The following MAP2K1 variants were observed in gnomAD, a reference collection of about 807,000 sequenced individuals.
MAP2K1 encodes dual specificity mitogen-activated protein kinase kinase 1.
In MAP2K1, 16 loss-of-function variants were observed where a neutral mutation model predicts 46.3. That is an observed-to-expected ratio of 0.35 (90% CI 0.23 to 0.52). MAP2K1 has a LOEUF of 0.52. Ranked by LOEUF, MAP2K1 falls within the 20% of genes least tolerant of loss-of-function variation. MAP2K1 has a pLI of 0.94. For synonymous variants in MAP2K1, 183 were observed against 185.6 expected, an observed-to-expected ratio of 0.99 and a Z score of 0.11; for missense variants, 263 against 497.1, an observed-to-expected ratio of 0.53 and a Z score of 4.48.
chr15:66,417,312 G>A (rs2093426894), intron 1 of MAP2K1, among the ~76,000 whole-genome samples: 1 of 152,156 alleles, frequency 6.6e-6, no homozygotes, highest in South Asian at 2.1e-4. Flanking sequence ...TCTTACGCCT[G>A]TAATCCCCGC....
chr15:66,399,025 G>A (rs1385441651), intron 1 of MAP2K1, among the ~76,000 whole-genome samples: 3 of 152,086 alleles, frequency 2.0e-5, no homozygotes, highest in African/African-American at 7.2e-5. Context: ...CGCCTGCCGC[G>A]GCCTCCCAAA....
chr15:66,479,441 G>A (rs1892861420), intron 5 of MAP2K1, among the ~76,000 whole-genome samples: 1 of 152,206 alleles, frequency 6.6e-6, no homozygotes, highest in South Asian at 2.1e-4. Flanking sequence ...GAGGAACTAG[G>A]TGCCCTCTAA....
chr15:66,471,535 T>G (rs527499927), intron 5 of MAP2K1, among the ~76,000 whole-genome samples: 1 of 152,332 alleles, frequency 6.6e-6, no homozygotes, highest in South Asian at 2.1e-4. Flanking sequence ...TGGTGCTGTT[T>G]CCACACCACC....
chr15:66,478,433 TACAC>T (rs567130584), intron 5 of MAP2K1, among the ~76,000 whole-genome samples: 1 of 133,810 alleles, frequency 7.5e-6, no homozygotes, highest in African/African-American at 2.6e-5. Flanking sequence ...TATATATATA[TACAC>T]ACAGGTATAT....
chr15:66,442,831 C>T (rs577057519), intron 3 of MAP2K1, among the ~76,000 whole-genome samples: 1 of 152,278 alleles, frequency 6.6e-6, no homozygotes, highest in South Asian at 2.1e-4. Flanking sequence ...TTGGGACTCC[C>T]ATGATCCTAT....
Position 66,386,917 on chromosome 15 carries a change from C to T in MAP2K1, c.-431C>T, listed in dbSNP as rs1407869990. ...CCGCCCCTCCCCCGGCCTCCAGTCC[C>T]TCCCAGGGCCGCTTCGCAGAGCGGC... On this transcript the variant is annotated 5_prime_UTR_variant, in exon 1 of 11. Coordinates refer to ENST00000307102, the MANE Select transcript of MAP2K1 (RefSeq NM_002755.4). 5 of 242,638 alleles carry T rather than the reference C, an allele frequency of 2.1e-5. No individual in the cohort carries two copies. The highest frequency in any genetic ancestry group is 1.6e-4 in the South Asian group (1 of 6,218). 15.0% of individuals were successfully genotyped at this position (242,638 alleles called of 1,614,324 possible). A position where few individuals can be genotyped will look rare whatever the true frequency, so the allele number is the denominator to read the frequency against.
At chr15:66,447,185 T>C (rs933398131) in intron 5 of MAP2K1, among the ~76,000 whole-genome samples, 2 of 151,714 alleles carry the variant, frequency 1.3e-5, no homozygotes, top group African/African-American at 2.4e-5. Flanking sequence ...TGGAGCCACC[T>C]TTGACATGGC....
At chr15:66,420,819 A>C (rs150688382) in intron 1 of MAP2K1, among the ~76,000 whole-genome samples, 1 of 61,136 alleles carries the variant, frequency 1.6e-5, no homozygotes, top group Non-Finnish European at 3.5e-5. Context: ...ATATATGTGT[A>C]TATATATATG....
chr15:66,397,133 T>C lies in MAP2K1; in HGVS notation c.80+9706T>C, dbSNP rs553793507. Among the ~76,000 whole-genome samples the C allele has an allele frequency of 9.4e-5, 14 of 149,706 alleles. No homozygotes were observed. The East Asian group carries it at 2.2e-3, about 23-fold the overall frequency. ...CATTCTCCTGCCTCAGCTTCCCGAGTAGCTGGGACTACAGGCGCCTGCCAC... is the reference window on the plus strand; with the variant it reads ...CATTCTCCTGCCTCAGCTTCCCGAGCAGCTGGGACTACAGGCGCCTGCCAC... On this transcript the variant is annotated intron_variant, in intron 1 of 10. Coordinates refer to ENST00000307102, the MANE Select transcript of MAP2K1 (RefSeq NM_002755.4).
At chr15:66,457,111 T>A (rs1399505243) in intron 5 of MAP2K1, among the ~76,000 whole-genome samples, 1 of 146,938 alleles carries the variant, frequency 6.8e-6, no homozygotes, top group Non-Finnish European at 1.5e-5. Context: ...TATACAAAAT[T>A]CAATTTATTA....
In MAP2K1 at chr15:66,485,107, C is replaced by G. The variant is rs1893006276; in HGVS notation, c.811C>G (p.Leu271Val). The G allele has an allele frequency of 6.2e-7, 1 of 1,613,930 alleles. No homozygotes were observed. Among genetic ancestry groups the G allele is most frequent in the African/African-American group, 1.3e-5 (1 of 74,914 alleles). ...YPIPPPDAKE[L>V]ELMFGCQVEG... Reference sequence around the variant, plus strand: ...CATCCCTCCTCCAGATGCCAAGGAGCTGGAGCTGATGTTTGGGTGCCAGGT... The same window carrying G: ...CATCCCTCCTCCAGATGCCAAGGAGGTGGAGCTGATGTTTGGGTGCCAGGT... Residue 271 changes from leucine to valine, a missense_variant, in exon 7 of 11, where the codon CTG becomes GTG. Leu to Val is a conservative substitution (Grantham distance 32, BLOSUM62 1). Transcript: ENST00000307102.
intron 1 of MAP2K1, among the ~76,000 whole-genome samples, chr15:66,417,069 A>T (rs1214165979): frequency 6.6e-6 from 1 of 152,190 alleles, no homozygotes; most frequent in Non-Finnish European, 1.5e-5. Flanking sequence ...GTAGGACCAG[A>T]TCCCACTGTG....
At chr15:66,419,495 G>A (rs1484205782) in intron 1 of MAP2K1, among the ~76,000 whole-genome samples, 1 of 151,734 alleles carries the variant, frequency 6.6e-6, no homozygotes, top group Non-Finnish European at 1.5e-5. Context: ...ACTCCAGCCT[G>A]TGTGACGGGA....
intron 5 of MAP2K1, among the ~76,000 whole-genome samples, chr15:66,466,417 G>A (rs372171634): frequency 2.0e-5 from 3 of 152,174 alleles, no homozygotes; most frequent in East Asian, 1.9e-4. Flanking sequence ...GGTGGCTCAC[G>A]CCTGTAATCA....
chr15:66,461,710 TG>T (rs1199967223), intron 5 of MAP2K1, among the ~76,000 whole-genome samples: 1 of 152,102 alleles, frequency 6.6e-6, no homozygotes, highest in Non-Finnish European at 1.5e-5. Flanking sequence ...CATTAGGTGG[TG>T]GTAACAGGCA....
intron 1 of MAP2K1, among the ~76,000 whole-genome samples, chr15:66,421,107 CACACACACACACACACACAT>C (rs2093442097): frequency 1.5e-5 from 1 of 64,760 alleles, no homozygotes; most frequent in Non-Finnish European, 2.9e-5. Context: ...CACACACACA[CACACACACACACACACACAT>C]ATATATATAT....
intron 5 of MAP2K1, among the ~76,000 whole-genome samples, chr15:66,466,331 G>A (rs1016680974): frequency 7.2e-5 from 11 of 152,208 alleles, no homozygotes; most frequent in African/African-American, 2.7e-4. Flanking sequence ...GGAGTAATCA[G>A]GTAGAGAGAA....
chr15:66,460,351 A>G (rs972475379), intron 5 of MAP2K1, among the ~76,000 whole-genome samples: 1 of 152,202 alleles, frequency 6.6e-6, no homozygotes, highest in African/African-American at 2.4e-5. Context: ...TTAGGGAAGC[A>G]TGGAGGAGAT....
intron 6 of MAP2K1, 32 bp from the exon 7 acceptor site, chr15:66,484,958 T>C (rs1893002428): frequency 6.3e-7 from 1 of 1,582,270 alleles, no homozygotes; most frequent in African/African-American, 1.3e-5. Flanking sequence ...CAAGTTAGGT[T>C]AGGTGATTAT....
Sources: gnomAD v4.1 joint callset for allele counts (sites outside exome capture counted in the v4.1 genomes callset) on GRCh38, gnomAD v4.1.1 for gene constraint, MANE v1.5 for transcripts, NCBI Gene and HGNC (gene_info 2026-07-23, HGNC 2026-07-21) for gene names.